CPLANE1: variants seen among roughly 807,000 people sequenced by gnomAD.
CPLANE1 encodes ciliogenesis and planar polarity effector complex subunit 1.
Under a neutral mutation model 362.5 loss-of-function variants are expected in CPLANE1, and 263 were observed. The ratio of observed to expected loss-of-function variants is 0.73; its 90% CI spans 0.66 to 0.80. The LOEUF (loss-of-function observed/expected upper bound fraction) is 0.80. Ranked by LOEUF, CPLANE1 falls within the 30% of genes least tolerant of loss-of-function variation. The pLI is 0.00. For synonymous variants in CPLANE1, 1,212 were observed against 1,302.6 expected, an observed-to-expected ratio of 0.93 and a Z score of 1.50; for missense variants, 3,461 against 3,793.4, an observed-to-expected ratio of 0.91 and a Z score of 2.30.
At chr5:37,141,558 A>C (rs1041892765) in intron 44 of CPLANE1, 2 of 970,262 alleles carry the variant, frequency 2.1e-6, no homozygotes, top group Non-Finnish European at 2.5e-6. Context: ...CTTTTATTTA[A>C]GTAACAGTAA....
chr5:37,096,355 T>C, the CPLANE1 span, among the ~76,000 whole-genome samples: 2 of 152,250 alleles, frequency 1.3e-5, no homozygotes, highest in South Asian at 4.1e-4. Context: ...TAGTCACATG[T>C]AGGAAAATGA....
At chr5:37,135,050 C>G (rs1767216607) in intron 46 of CPLANE1, among the ~76,000 whole-genome samples, 1 of 152,194 alleles carries the variant, frequency 6.6e-6, no homozygotes, top group Non-Finnish European at 1.5e-5. Context: ...GCCTCAGCCT[C>G]CCAAAGTGCT....
chr5:37,195,340 C>G (rs1787044057), intron 21 of CPLANE1, among the ~76,000 whole-genome samples: 1 of 152,130 alleles, frequency 6.6e-6, no homozygotes, highest in Admixed American at 6.5e-5. Flanking sequence ...ATGGCTCATG[C>G]CTGCAATCCC....
At chr5:37,100,627 A>G in the CPLANE1 span, among the ~76,000 whole-genome samples, 1 of 152,218 alleles carries the variant, frequency 6.6e-6, no homozygotes, top group African/African-American at 2.4e-5. Flanking sequence ...GAATTTTAAA[A>G]TAGTTTCTTC....
intron 37 of CPLANE1, among the ~76,000 whole-genome samples, chr5:37,162,866 GAC>G (rs1322474763): frequency 6.6e-6 from 1 of 152,172 alleles, no homozygotes; most frequent in African/African-American, 2.4e-5. Flanking sequence ...TTTTAGGAGA[GAC>G]GGGGTTTCGC....
intron 37 of CPLANE1, among the ~76,000 whole-genome samples, chr5:37,163,586 A>G (rs1777447420): frequency 6.6e-6 from 1 of 152,208 alleles, no homozygotes; most frequent in Admixed American, 6.5e-5. Context: ...GCATTGTGGT[A>G]TAATGAAAAA....
At chr5:37,205,292 C>A in intron 18 of CPLANE1, 23 bp downstream of exon 18, 2 of 1,515,392 alleles carry the variant, frequency 1.3e-6, no homozygotes, top group Admixed American at 2.2e-5. Flanking sequence ...TGACACGAAT[C>A]AGACTATACA....
chr5:37,148,753 A>T (rs1772519315), intron 42 of CPLANE1, among the ~76,000 whole-genome samples: 1 of 152,076 alleles, frequency 6.6e-6, no homozygotes, highest in Admixed American at 6.6e-5. Flanking sequence ...AGCATTTTTT[A>T]AAAATATACC....
At chr5:37,173,997 A>C in intron 31 of CPLANE1, 50 bp from the exon 32 acceptor site, 2 of 1,453,642 alleles carry the variant, frequency 1.4e-6, no homozygotes, top group Non-Finnish European at 1.9e-6. Flanking sequence ...TTGACAAAAA[A>C]CAAATTGAAT....
intron 38 of CPLANE1, among the ~76,000 whole-genome samples, chr5:37,161,675 G>A (rs1428770661): frequency 6.6e-6 from 1 of 152,168 alleles, no homozygotes; most frequent in Non-Finnish European, 1.5e-5. Flanking sequence ...TCTGGACAAT[G>A]AGAGTTTAGA....
chr5:37,171,412 G>A (rs1008754016), intron 32 of CPLANE1, among the ~76,000 whole-genome samples: 11 of 152,168 alleles, frequency 7.2e-5, no homozygotes, highest in African/African-American at 2.7e-4. Context: ...AGGGATCTGA[G>A]AATTTGTATT....
chr5:37,227,975 C>A (rs879278701), intron 9 of CPLANE1, among the ~76,000 whole-genome samples, 158 bp from the exon 10 acceptor site: 1 of 152,032 alleles, frequency 6.6e-6, no homozygotes, highest in Non-Finnish European at 1.5e-5. Flanking sequence ...TTCAGGAAAA[C>A]ATAACACAGG....
At chr5:37,183,850 T>C (rs1159469226) in intron 25 of CPLANE1, 151 bp from the exon 26 acceptor site, 1 of 586,378 alleles carries the variant, frequency 1.7e-6, no homozygotes, top group Non-Finnish European at 2.9e-6. Context: ...GGAGTGGGAC[T>C]AAATGATTTC....
chr5:37,120,575 G>A (rs1266144200), intron 49 of CPLANE1, among the ~76,000 whole-genome samples: 3 of 152,242 alleles, frequency 2.0e-5, no homozygotes, highest in African/African-American at 7.2e-5. Context: ...GCAAGACCCT[G>A]TTACTTTAAG....
intron 44 of CPLANE1, chr5:37,139,959 TA>T: frequency 1.0e-6 from 1 of 978,882 alleles, no homozygotes; most frequent in Non-Finnish European, 1.2e-6. Context: ...CAATTTACTT[TA>T]TAAAATATAC....
chr5:37,107,285 G>A lies in CPLANE1; in HGVS notation c.*317C>T, dbSNP rs1279438220. Reference sequence around the variant, plus strand: ...CAGAGGGTAATAAAGGAGGAGGCAAGATAGAGGGTTTTTATTGAAAGTAGG... The same window carrying A: ...CAGAGGGTAATAAAGGAGGAGGCAAAATAGAGGGTTTTTATTGAAAGTAGG... On this transcript the variant is annotated 3_prime_UTR_variant, in exon 53 of 53. Coordinates refer to ENST00000651892, the MANE Select transcript of CPLANE1 (RefSeq NM_001384732.1). The A allele has an allele frequency of 4.7e-6, 5 of 1,063,532 alleles. No individual in the cohort carries two copies. Among genetic ancestry groups the A allele is most frequent in the Admixed American group, 5.3e-5 (1 of 18,896 alleles). The allele number at this position is 1,063,532 out of a possible 1,614,324, so 65.9% of individuals were successfully genotyped here. A position where few individuals can be genotyped will look rare whatever the true frequency, so the allele number is the denominator to read the frequency against.
chr5:37,244,687 A>G (rs1738905753), intron 4 of CPLANE1, 80 bp from the exon 5 acceptor site: 4 of 833,360 alleles, frequency 4.8e-6, no homozygotes, highest in Non-Finnish European at 3.7e-6. Flanking sequence ...ATGTATTCTT[A>G]CAATAAAAAA....
chr5:37,227,830 C>T lies in CPLANE1; in HGVS notation c.1122-13G>A, dbSNP rs1359085718. 1 of 1,534,456 alleles carries T rather than the reference C, an allele frequency of 6.5e-7. No individual in the cohort carries two copies. The highest frequency in any genetic ancestry group is 2.5e-5 in the East Asian group (1 of 40,534). ...AAACTGCTGTGGTCTAGTAAACAAA[C>T]ATCAAAATACAAGAATCAGTAAGAG... On this transcript the variant is annotated splice_polypyrimidine_tract_variant and intron_variant, in intron 9 of 52. Coordinates refer to ENST00000651892, the MANE Select transcript of CPLANE1 (RefSeq NM_001384732.1).
At chr5:37,237,722 C>T (rs1799330537) in intron 8 of CPLANE1, among the ~76,000 whole-genome samples, 1 of 152,180 alleles carries the variant, frequency 6.6e-6, no homozygotes, top group African/African-American at 2.4e-5. Flanking sequence ...TGGTGACGGG[C>T]GCCTTTAATC....
Sources: gnomAD v4.1 joint callset for allele counts (sites outside exome capture counted in the v4.1 genomes callset) on GRCh38, gnomAD v4.1.1 for gene constraint, MANE v1.5 for transcripts, NCBI Gene and HGNC (gene_info 2026-07-23, HGNC 2026-07-21) for gene names.